MEGF6: variants seen among roughly 807,000 people sequenced by gnomAD.
MEGF6 encodes multiple EGF like domains 6.
A neutral mutation model predicts 207.1 loss-of-function variants in MEGF6; 184 were observed. That is an observed-to-expected ratio of 0.89 (90% CI 0.79 to 1.00). The LOEUF is 1.00. Among genes scored for constraint, MEGF6 ranks in the 50% least tolerant of loss-of-function variants. MEGF6 has a pLI of 0.00. For missense variants in MEGF6, 2,282 were observed against 2,202.9 expected, an observed-to-expected ratio of 1.04 and a Z score of -0.72; for synonymous variants, 1,038 against 910.0, an observed-to-expected ratio of 1.14 and a Z score of -2.53.
At chr1:3,590,282 A>G (rs538539760) in intron 3 of MEGF6, among the ~76,000 whole-genome samples, 1 of 152,292 alleles carries the variant, frequency 6.6e-6, no homozygotes, top group African/African-American at 2.4e-5. Flanking sequence ...CCCAAGGTAA[A>G]TGGTGCTGCC....
intron 5 of MEGF6, among the ~76,000 whole-genome samples, chr1:3,521,448 C>T (rs1329150257): frequency 1.3e-5 from 2 of 152,204 alleles, no homozygotes; most frequent in East Asian, 3.9e-4. Flanking sequence ...GCAGGAGACC[C>T]CCCACAGGGC....
intron 9 of MEGF6, among the ~76,000 whole-genome samples, chr1:3,511,349 G>A (rs779602563): frequency 1.3e-5 from 2 of 152,194 alleles, no homozygotes; most frequent in Non-Finnish European, 1.5e-5. Context: ...GCGGGCCGAT[G>A]TGGGCACCAA....
At chr1:3,576,680 AC>A (rs1358262378) in intron 4 of MEGF6, among the ~76,000 whole-genome samples, 2 of 144,840 alleles carry the variant, frequency 1.4e-5, no homozygotes, top group African/African-American at 5.1e-5. Flanking sequence ...CCCGGCCTGC[AC>A]ACTCAGCCCT....
chr1:3,607,214 G>A (rs143151806), intron 1 of MEGF6, among the ~76,000 whole-genome samples: 39 of 151,726 alleles, frequency 2.6e-4, no homozygotes, highest in African/African-American at 8.9e-4. Context: ...AGGACTCACC[G>A]AGACCCCTTG....
chr1:3,510,775 G>A lies in MEGF6; in HGVS notation c.1234+8C>T. On this transcript the variant is annotated splice_region_variant and intron_variant, in intron 10 of 36. Transcript: ENST00000356575. The stretch of plus-strand genomic sequence containing the variant: ...ACCCCAGCTGTGCAGTGGCAGGGCA[G>A]TGCTCACCCTCACAGCCGCAGCCAT... The A allele has an allele frequency of 6.3e-7, 1 of 1,598,616 alleles. No individual in the cohort carries two copies. Among genetic ancestry groups the A allele is most frequent in the Non-Finnish European group, 8.5e-7 (1 of 1,169,978 alleles).
chr1:3,559,558 A>G (rs1235713890), intron 4 of MEGF6, among the ~76,000 whole-genome samples: 1 of 148,250 alleles, frequency 6.7e-6, no homozygotes. Context: ...GAAGAAGTCT[A>G]CTTGCAAACA....
chr1:3,546,183 C>A (rs1238595298), intron 4 of MEGF6, among the ~76,000 whole-genome samples: 1 of 152,200 alleles, frequency 6.6e-6, no homozygotes, highest in African/African-American at 2.4e-5. Flanking sequence ...CACTGCCACC[C>A]TCCTCGGCCT....
At chr1:3,510,982 G>T in intron 9 of MEGF6, 80 bp from the exon 10 acceptor site, 1 of 1,525,914 alleles carries the variant, frequency 6.6e-7, no homozygotes, top group South Asian at 1.2e-5. Flanking sequence ...AACTGCATAC[G>T]ACCACACACA....
At chr1:3,623,707 G>T in the MEGF6 span, among the ~76,000 whole-genome samples, 1 of 152,176 alleles carries the variant, frequency 6.6e-6, no homozygotes, top group Admixed American at 6.5e-5. Context: ...GGGTCTTTCT[G>T]CCAGCGCCCA....
At position 3,591,794 on chromosome 1, in the gene MEGF6, CCGGA is replaced by C. The variant is rs1643983516; in HGVS notation, c.376+3540_376+3543del. On this transcript the variant is annotated intron_variant, in intron 3 of 36. Coordinates refer to ENST00000356575, the MANE Select transcript of MEGF6 (RefSeq NM_001409.4). ...CCAAGGTCTCGTAGCTCACAAGGGA[CCGGA>C]TGGGGGCACCAGCGAGGGGGCTGGT... Among the ~76,000 whole-genome samples, 4 of 101,236 alleles carry C rather than the reference CCGGA, an allele frequency of 4.0e-5. 1 individual carries two copies. Among genetic ancestry groups the C allele is most frequent in the African/African-American group, 7.9e-5 (2 of 25,398 alleles). 66.4% of individuals were successfully genotyped at this position (101,236 alleles called of 152,430 possible).
At chr1:3,507,999 C>A in intron 13 of MEGF6, 76 bp from the exon 14 acceptor site, 1 of 1,535,554 alleles carries the variant, frequency 6.5e-7, no homozygotes, top group Non-Finnish European at 8.8e-7. Context: ...GGGTTGGAGG[C>A]TTGGGTTTAG....
chr1:3,597,340 C>G (rs1452596472), intron 2 of MEGF6, among the ~76,000 whole-genome samples: 1 of 152,152 alleles, frequency 6.6e-6, no homozygotes, highest in Non-Finnish European at 1.5e-5. Flanking sequence ...CCTGGGTCCT[C>G]ACCCCTCCAC....
chr1:3,599,276 C>G (rs377537284), intron 2 of MEGF6, among the ~76,000 whole-genome samples: 1 of 152,224 alleles, frequency 6.6e-6, no homozygotes. Flanking sequence ...GGCCTCCCCC[C>G]CAGAGCTCAG....
At chr1:3,547,474 GT>G (rs1642751386) in intron 4 of MEGF6, among the ~76,000 whole-genome samples, 1 of 152,172 alleles carries the variant, frequency 6.6e-6, no homozygotes, top group African/African-American at 2.4e-5. Context: ...ATCGGCTGCC[GT>G]GTGTGTTCCG....
chr1:3,554,721 T>G (rs748688272), intron 4 of MEGF6, among the ~76,000 whole-genome samples: 1 of 152,128 alleles, frequency 6.6e-6, no homozygotes, highest in Non-Finnish European at 1.5e-5. Context: ...TGTGCCAGCC[T>G]CTCTCCCTCC....
intron 4 of MEGF6, among the ~76,000 whole-genome samples, chr1:3,559,036 A>G (rs1643113643): frequency 6.6e-6 from 1 of 152,082 alleles, no homozygotes; most frequent in African/African-American, 2.4e-5. Flanking sequence ...AAAACAAAAC[A>G]AACAAAAATA....
chr1:3,499,776 C>T lies in MEGF6; in HGVS notation c.2836+20G>A. ...CACTGGAGGCCACCCAGCCTAGCCCCCGCCTGTGCCGTAGCTCACCATGCT... is the reference window on the plus strand; with the variant it reads ...CACTGGAGGCCACCCAGCCTAGCCCTCGCCTGTGCCGTAGCTCACCATGCT... On this transcript the variant is annotated intron_variant, in intron 22 of 36. Transcript: ENST00000356575. 6.4e-7 allele frequency: 1 copy of T among 1,572,074 alleles called. No homozygotes were observed. Among genetic ancestry groups the T allele is most frequent in the Non-Finnish European group, 8.6e-7 (1 of 1,159,354 alleles).
At chr1:3,620,989 T>A in the MEGF6 span, among the ~76,000 whole-genome samples, 1 of 152,190 alleles carries the variant, frequency 6.6e-6, no homozygotes, top group Admixed American at 6.5e-5. Flanking sequence ...TTTCCGCATA[T>A]CAGAGACTTC....
intron 3 of MEGF6, among the ~76,000 whole-genome samples, chr1:3,584,157 G>A (rs566635245): frequency 7.6e-4 from 116 of 152,352 alleles, no homozygotes; most frequent in African/African-American, 2.6e-3. Context: ...GTTTGGGGAG[G>A]GCATGGCGGC....
Sources: gnomAD v4.1 joint callset for allele counts (sites outside exome capture counted in the v4.1 genomes callset) on GRCh38, gnomAD v4.1.1 for gene constraint, MANE v1.5 for transcripts, NCBI Gene and HGNC (gene_info 2026-07-23, HGNC 2026-07-21) for gene names.